PIK3CA: variants seen among roughly 807,000 people sequenced by gnomAD.
PIK3CA encodes the protein phosphatidylinositol 4,5-bisphosphate 3-kinase catalytic subunit alpha isoform.
PIK3CA carries 27 observed loss-of-function variants against 138.2 expected under a neutral mutation model. The ratio of observed to expected loss-of-function variants is 0.20; its 90% CI spans 0.14 to 0.27. The LOEUF (loss-of-function observed/expected upper bound fraction) is 0.27. Ranked by LOEUF, PIK3CA falls within the 10% of genes least tolerant of loss-of-function variation. The pLI, the probability that PIK3CA is intolerant of heterozygous loss-of-function variation, is 1.00. For synonymous variants in PIK3CA, 358 were observed against 413.2 expected (o/e 0.87, Z 1.62); for missense variants, 544 against 1,277.4 (o/e 0.43, Z 8.75).
intron 9 of PIK3CA, among the ~76,000 whole-genome samples, chr3:179,215,393 A>G (rs1036905076): frequency 1.3e-5 from 2 of 152,164 alleles, no homozygotes; most frequent in Admixed American, 6.5e-5. Context: ...TACAATTTGT[A>G]TCTATTGGAA....
intron 6 of PIK3CA, among the ~76,000 whole-genome samples, chr3:179,206,962 A>T (rs1315522851): frequency 6.6e-6 from 1 of 151,966 alleles, no homozygotes; most frequent in Non-Finnish European, 1.5e-5. Context: ...TTAATAATAT[A>T]TGATTAAAAT....
chr3:179,173,287 G>A (rs531549591), intron 1 of PIK3CA, among the ~76,000 whole-genome samples: 15 of 151,540 alleles, frequency 9.9e-5, no homozygotes, highest in South Asian at 6.3e-4. Context: ...GGCCGGGCGC[G>A]GTAGCTCACG....
intron 1 of PIK3CA, among the ~76,000 whole-genome samples, chr3:179,172,765 A>G (rs1368808221): frequency 7.2e-5 from 11 of 152,202 alleles, no homozygotes; most frequent in Admixed American, 7.2e-4. Flanking sequence ...TTGGTACACT[A>G]TGTTCAGTGC....
At chr3:179,174,497 T>G (rs1336215430) in intron 1 of PIK3CA, among the ~76,000 whole-genome samples, 1 of 152,028 alleles carries the variant, frequency 6.6e-6, no homozygotes, top group African/African-American at 2.4e-5. Flanking sequence ...ATCAGTTCAT[T>G]ACTGTATCTC....
chr3:179,150,621 A>G (rs1722992519), intron 1 of PIK3CA, among the ~76,000 whole-genome samples: 1 of 152,186 alleles, frequency 6.6e-6, no homozygotes, highest in African/African-American at 2.4e-5. Flanking sequence ...GATATATTTA[A>G]AAGGGAGACT....
At chr3:179,205,600 G>T (rs1724539341) in intron 6 of PIK3CA, among the ~76,000 whole-genome samples, 1 of 152,126 alleles carries the variant, frequency 6.6e-6, no homozygotes, top group Non-Finnish European at 1.5e-5. Context: ...AAGGGTCTTT[G>T]GTAGCAAATT....
rs776535923 is a variant in PIK3CA, at chr3:179,236,188, C to G, written c.*1824C>G. 9.8e-6 allele frequency: 2 copies of G among 204,364 alleles called. No individual in the cohort carries two copies. Among genetic ancestry groups the G allele is most frequent in the Non-Finnish European group, 2.0e-5 (2 of 99,838 alleles). The allele number at this position is 204,364 out of a possible 1,614,324, so 12.7% of individuals were successfully genotyped here. A position where few individuals can be genotyped will look rare whatever the true frequency, so the allele number is the denominator to read the frequency against. The stretch of plus-strand genomic sequence containing the variant: ...CTCTTAATATCTGGCTATTTTAGAT[C>G]CCTTAAAGGGCATAATTATTGGAAA... On this transcript the variant is annotated 3_prime_UTR_variant, in exon 21 of 21. Transcript: ENST00000263967.
rs925533872 is a variant in PIK3CA, at chr3:179,220,481, G to A, written c.2015+429G>A. Among the ~76,000 whole-genome samples, 1 of 152,120 alleles carries A rather than the reference G, an allele frequency of 6.6e-6. No homozygotes were observed. The highest frequency in any genetic ancestry group is 1.5e-5 in the Non-Finnish European group (1 of 68,014). On this transcript the variant is annotated intron_variant, in intron 13 of 20. Coordinates refer to ENST00000263967, the MANE Select transcript of PIK3CA (RefSeq NM_006218.4). This position sits in a 1 kb window ranked among gnomAD's most constrained non-coding sequence, Gnocchi z 4.1. ...GAATAAAAAATGTTTTGTAGAATGT[G>A]ATATATGTAGTACTCAAAAGTTACA...
rs567890108 is a variant in PIK3CA, at chr3:179,239,485, A to C, written c.*5121A>C. 4 of 206,606 alleles carry C rather than the reference A, an allele frequency of 1.9e-5. 1 individual carries two copies. In the East Asian group the frequency reaches 3.0e-4, roughly 15 times the overall value. The allele number at this position is 206,606 out of a possible 1,614,324, so 12.8% of individuals were successfully genotyped here. On this transcript the variant is annotated 3_prime_UTR_variant, in exon 21 of 21. Coordinates refer to ENST00000263967, the MANE Select transcript of PIK3CA (RefSeq NM_006218.4). ...TTTCATTTTTAAAAGTCCCTTGTTC[A>C]ATTTAACTTATGTTCCTAAGAGAGG...
chr3:179,201,327 A>C lies in PIK3CA; in HGVS notation c.600A>C (p.Pro200=), dbSNP rs1724404386. 2 of 1,612,972 alleles carry C rather than the reference A, an allele frequency of 1.2e-6. No individual in the cohort carries two copies. The highest frequency in any genetic ancestry group is 2.2e-5 in the South Asian group (2 of 91,068). ...IIVVIWVIVS[P]NNDKQKYTLK... ...TGGTGATCTGGGTAATAGTTTCTCC[A>C]AATAATGACAAGCAGAAGTATACTC... is the stretch of plus-strand genomic sequence containing the variant. The change falls in exon 4 of 21, where the codon CCA becomes CCC. Residue 200 remains proline, a synonymous_variant. Transcript: ENST00000263967.
At chr3:179,173,703 TGTAGAG>T (rs1268613094) in intron 1 of PIK3CA, among the ~76,000 whole-genome samples, 1 of 152,202 alleles carries the variant, frequency 6.6e-6, no homozygotes, top group African/African-American at 2.4e-5. Context: ...GAAGAAAACT[TGTAGAG>T]GTGGGTTTTG....
At chr3:179,232,244 G>A (rs527312581) in intron 20 of PIK3CA, among the ~76,000 whole-genome samples, 2 of 152,168 alleles carry the variant, frequency 1.3e-5, no homozygotes, top group East Asian at 3.9e-4. Flanking sequence ...ATGGTTTCAG[G>A]TCTTAGATTT....
intron 9 of PIK3CA, among the ~76,000 whole-genome samples, chr3:179,213,124 A>G (rs1295290872): frequency 6.6e-6 from 1 of 152,152 alleles, no homozygotes; most frequent in Non-Finnish European, 1.5e-5. Context: ...AAAGGCAAAT[A>G]TATATATATT....
At chr3:179,194,833 C>T (rs942170286) in intron 1 of PIK3CA, among the ~76,000 whole-genome samples, 1 of 152,102 alleles carries the variant, frequency 6.6e-6, no homozygotes, top group African/African-American at 2.4e-5. Flanking sequence ...TCTCTGAAGC[C>T]TTCCCTAATC....
intron 6 of PIK3CA, among the ~76,000 whole-genome samples, chr3:179,206,161 G>A (rs944083215): frequency 1.4e-5 from 2 of 143,642 alleles, no homozygotes; most frequent in African/African-American, 2.7e-5. Context: ...AAGTGTAAGC[G>A]ATTCTCCTGC....
At chr3:179,170,054 ATGCGCGTGCACACG>A (rs1473652627) in intron 1 of PIK3CA, among the ~76,000 whole-genome samples, 1 of 131,040 alleles carries the variant, frequency 7.6e-6, no homozygotes, top group Non-Finnish European at 1.6e-5. Flanking sequence ...AGACATGCAC[ATGCGCGTGCACACG>A]CGCGCGCGCA....
chr3:179,186,745 A>G (rs927228391), intron 1 of PIK3CA, among the ~76,000 whole-genome samples: 1 of 152,220 alleles, frequency 6.6e-6, no homozygotes, highest in African/African-American at 2.4e-5. Flanking sequence ...TTAGAGTTCC[A>G]CAGGAGCTGA....
At chr3:179,197,411 A>G (rs1052683918) in intron 1 of PIK3CA, among the ~76,000 whole-genome samples, 1 of 152,180 alleles carries the variant, frequency 6.6e-6, no homozygotes, top group Admixed American at 6.5e-5. Flanking sequence ...TGACCGCATT[A>G]TGTGCTTTTA....
Position 179,221,060 on chromosome 3 carries a change from T to G in PIK3CA, c.2090T>G (p.Met697Arg), listed in dbSNP as rs2108413499. Reference protein sequence around the residue: ...LLESYCRACGMYLKHLNRQVE... With the variant: ...LLESYCRACGRYLKHLNRQVE... The stretch of plus-strand genomic sequence containing the variant: ...GAGTCCTATTGTCGTGCATGTGGGA[T>G]GTATTTGAAGCACCTGAATAGGCAA... The change falls in exon 14 of 21, where the codon ATG (methionine) becomes AGG (arginine). Residue 697 changes from methionine to arginine, a missense_variant. This residue lies in a region of PIK3CA where 22 missense variants were observed against 107.9 expected (regional missense o/e 0.20). Coordinates refer to ENST00000263967, the MANE Select transcript of PIK3CA (RefSeq NM_006218.4). 1 of 1,612,950 alleles carries G rather than the reference T, an allele frequency of 6.2e-7. No homozygotes were observed. The highest frequency in any genetic ancestry group is 8.5e-7 in the Non-Finnish European group (1 of 1,179,106).
Sources: allele counts gnomAD v4.1 joint callset (sites outside exome capture counted in the v4.1 genomes callset), GRCh38; gene constraint gnomAD v4.1.1; regional missense constraint gnomAD v4.1.1; non-coding constraint Gnocchi (gnomAD v3.1); transcripts MANE v1.5; gene names NCBI Gene and HGNC (gene_info 2026-07-23, HGNC 2026-07-21).